Variants in KCTD14 observed in about 807,000 individuals in gnomAD.
KCTD14 encodes the protein BTB/POZ domain-containing protein KCTD14.
Under a neutral mutation model 5.9 loss-of-function variants are expected in KCTD14, and 7 were observed. The observed-to-expected ratio is 1.19, with a 90% CI of 0.68 to 2.23. The LOEUF is 2.23. KCTD14 is among the 30% of genes most tolerant of loss of function. The pLI is 0.00. For synonymous variants in KCTD14, 140 were observed against 133.1 expected (o/e 1.05, Z -0.36); for missense variants, 342 against 332.2 (o/e 1.03, Z -0.23).
intron 2 of KCTD14, among the ~76,000 whole-genome samples, chr11:78,032,703 CTTT>C (rs35820886): frequency 3.2e-5 from 4 of 123,530 alleles, no homozygotes; most frequent in African/African-American, 6.2e-5. Flanking sequence ...TGATCTACTT[CTTT>C]TTTTTTTTTT....
rs548866546 is a variant in KCTD14, at chr11:78,035,107, G to A, written c.-1+3557C>T. On this transcript the variant is annotated intron_variant, in intron 2 of 2. Coordinates refer to the KCTD14 transcript ENST00000533144. ...CCGAGGGTTTTTCTTTTTGACTTACGCCACTTTACAATGGGTATATCTGTC... is the reference window on the plus strand; with the variant it reads ...CCGAGGGTTTTTCTTTTTGACTTACACCACTTTACAATGGGTATATCTGTC... Among the ~76,000 whole-genome samples, 312 of 152,206 alleles carry A rather than the reference G, an allele frequency of 2.0e-3. 1 individual carries two copies. Among genetic ancestry groups the A allele is most frequent in the Non-Finnish European group, 3.8e-3 (257 of 68,010 alleles).
rs182903992 is a variant in KCTD14 at position 78,031,323 on chromosome 11, C to T, written c.-1+7341G>A. ...TTGGCCTCCCAAAGTACTGAGATTA[C>T]AGGTGTGAGCCACCATACCTGCAAT... On this transcript the variant is annotated intron_variant, in intron 2 of 2. Coordinates refer to the KCTD14 transcript ENST00000533144. Among the ~76,000 whole-genome samples, 143 of 152,140 alleles carry T rather than the reference C, an allele frequency of 9.4e-4. 1 individual carries two copies. The highest frequency in any genetic ancestry group is 3.3e-3 in the African/African-American group (138 of 41,532).
At position 78,016,661 on chromosome 11, in the gene KCTD14, G is replaced by A. The variant is rs1394375641; in HGVS notation, c.700C>T (p.Leu234=). 6.2e-6 allele frequency: 10 copies of A among 1,614,182 alleles called. No individual in the cohort carries two copies. In the Middle Eastern group the frequency reaches 4.9e-4, roughly 80 times the overall value. ...QGYKVFSKFY[L]TYPTKRNEFH... ...TCGTTTCTTTTGGTGGGGTACGTCA[G>A]GTAGAACTTGGAGAATACCTTGTAC... The change falls in exon 2 of 2, where the codon CTG becomes TTG. Residue 234 remains leucine, a synonymous_variant. Transcript: ENST00000353172.
At position 78,023,206 on chromosome 11, in the gene KCTD14, G is replaced by T; in HGVS notation, c.44C>A (p.Thr15Lys). Reference protein sequence around the residue: ...CAVERPVGRMTSQTPLPQSPR... With the variant: ...CAVERPVGRMKSQTPLPQSPR... Reference sequence around the variant, plus strand: ...GGACTGGGGCAGAGGGGTCTGGCTCGTCATCCTGCCCACTGGCCGCTCCAC... The same window carrying T: ...GGACTGGGGCAGAGGGGTCTGGCTCTTCATCCTGCCCACTGGCCGCTCCAC... The change falls in exon 1 of 2, where the codon ACG (threonine) becomes AAG (lysine). Residue 15 changes from threonine (T) to lysine (K), a missense_variant. Physicochemically the swap from Thr to Lys is moderately conservative, Grantham distance 78. Transcript: ENST00000353172. 3 of 1,607,254 alleles carry T rather than the reference G, an allele frequency of 1.9e-6. No individual in the cohort carries two copies. Among genetic ancestry groups the T allele is most frequent in the Non-Finnish European group, 8.5e-7 (1 of 1,178,914 alleles).
At chr11:78,046,157 A>G (rs1218633915) in exon 1 of KCTD14, 5 of 984,860 alleles carry the variant, frequency 5.1e-6, no homozygotes, top group Non-Finnish European at 6.0e-6. Flanking sequence ...TCAGTTCGCA[A>G]GGGCAGGAGC....
upstream of KCTD14, among the ~76,000 whole-genome samples, chr11:78,025,740 A>T (rs927673460): frequency 3.9e-5 from 6 of 152,210 alleles, no homozygotes; most frequent in Non-Finnish European, 1.5e-5. Flanking sequence ...CCCACTGGTG[A>T]AAAGAGTTAG....
At chr11:78,040,859 G>C (rs1857973094) in intron 1 of KCTD14, among the ~76,000 whole-genome samples, 1 of 152,142 alleles carries the variant, frequency 6.6e-6, no homozygotes, top group Admixed American at 6.5e-5. Context: ...TAGTAGAAAT[G>C]GGGTTTCACC....
At chr11:78,038,623 G>A in intron 2 of KCTD14, 1 of 1,533,228 alleles carries the variant, frequency 6.5e-7, no homozygotes. Context: ...ATCTCACACA[G>A]CCCAGACACC....
chr11:78,022,989 A>G (rs1857345480), intron 1 of KCTD14, 171 bp downstream of exon 1: 1 of 570,376 alleles, frequency 1.8e-6, no homozygotes, highest in Admixed American at 3.3e-5. Context: ...AGCAGGAGGG[A>G]CGGCAAAGAT....
Position 78,017,034 on chromosome 11 carries a change from C to G in KCTD14, c.327G>C (p.Glu109Asp), listed in dbSNP as rs773238436. ...PTQHIPEVYR[E>D]AQFYEIKPLV... ...AAGGCTTGATTTCGTAGAACTGAGC[C>G]TCACGGTACACTTCAGGGATGTGCT... The change falls in exon 2 of 2, where the codon GAG becomes GAC. Residue 109 changes from glutamate (E) to aspartate (D), a missense_variant. By Grantham distance (45) the Glu-to-Asp change is conservative. Transcript: ENST00000353172. 1.2e-6 allele frequency: 2 copies of G among 1,614,252 alleles called. No individual in the cohort carries two copies. The highest frequency in any genetic ancestry group is 1.7e-6 in the Non-Finnish European group (2 of 1,180,048).
chr11:78,024,584 C>T (rs1184814978), upstream of KCTD14, among the ~76,000 whole-genome samples: 6 of 151,664 alleles, frequency 4.0e-5, no homozygotes, highest in African/African-American at 1.2e-4. Context: ...TGTTAAGTTT[C>T]GTTTCTGTCT....
At chr11:78,022,943 G>C (rs1857344034) in intron 1 of KCTD14, 1 of 550,498 alleles carries the variant, frequency 1.8e-6, no homozygotes, top group Admixed American at 3.4e-5. Flanking sequence ...AGCCAAACCA[G>C]AAAGGGACAC....
chr11:78,025,407 A>T (rs566572171), upstream of KCTD14, among the ~76,000 whole-genome samples: 2 of 152,086 alleles, frequency 1.3e-5, no homozygotes, highest in South Asian at 4.2e-4. Context: ...GTGCCCACCC[A>T]GATTAAGGGT....
At chr11:78,031,194 A>G (rs1857603704) in intron 2 of KCTD14, among the ~76,000 whole-genome samples, 1 of 151,434 alleles carries the variant, frequency 6.6e-6, no homozygotes, top group Non-Finnish European at 1.5e-5. Flanking sequence ...AGCTGGGATT[A>G]CCGCTAACAC....
intron 2 of KCTD14, among the ~76,000 whole-genome samples, chr11:78,037,711 C>T (rs1035814806): frequency 6.6e-6 from 1 of 151,962 alleles, no homozygotes; most frequent in African/African-American, 2.4e-5. Flanking sequence ...CCCAGCTGCT[C>T]GGGAGGCTGA....
upstream of KCTD14, among the ~76,000 whole-genome samples, chr11:78,024,602 G>A (rs911356616): frequency 2.6e-5 from 4 of 151,784 alleles, no homozygotes; most frequent in African/African-American, 9.7e-5. Context: ...TCTAACATTA[G>A]CATTTACCAG....
chr11:78,029,766 CA>C (rs1439785124), intron 2 of KCTD14, among the ~76,000 whole-genome samples: 1 of 151,002 alleles, frequency 6.6e-6, no homozygotes, highest in East Asian at 1.9e-4. Context: ...CAAGGAATCT[CA>C]GACAAGACTT....
chr11:78,036,316 G>A (rs1247228530), intron 2 of KCTD14, among the ~76,000 whole-genome samples: 2 of 152,242 alleles, frequency 1.3e-5, no homozygotes, highest in Non-Finnish European at 2.9e-5. Flanking sequence ...ACACTTGACA[G>A]TCTCAAACTG....
Position 78,023,194 on chromosome 11 carries a change from G to C in KCTD14, c.56C>G (p.Pro19Arg). Reference sequence around the variant, plus strand: ...CCTGGGCCGGGGGGACTGGGGCAGAGGGGTCTGGCTCGTCATCCTGCCCAC... The same window carrying C: ...CCTGGGCCGGGGGGACTGGGGCAGACGGGTCTGGCTCGTCATCCTGCCCAC... ...RPVGRMTSQT[P>R]LPQSPRPRRP... Residue 19 changes from proline to arginine, a missense_variant, in exon 1 of 2, where the codon CCT (proline) becomes CGT (arginine). By Grantham distance (103) the Pro-to-Arg change is moderately radical (BLOSUM62 -2). Transcript: ENST00000353172. 2 of 1,605,774 alleles carry C rather than the reference G, an allele frequency of 1.2e-6. No individual in the cohort carries two copies. Among genetic ancestry groups the C allele is most frequent in the South Asian group, 2.2e-5 (2 of 90,930 alleles).
Sources: allele counts gnomAD v4.1 joint callset (sites outside exome capture counted in the v4.1 genomes callset), GRCh38; gene constraint gnomAD v4.1.1; transcripts MANE v1.5; gene names NCBI Gene and HGNC (gene_info 2026-07-23, HGNC 2026-07-21).